TRIOBP: variants seen among roughly 807,000 people sequenced by gnomAD.
TRIOBP encodes the protein TRIO and F-actin binding protein.
TRIOBP carries 169 observed loss-of-function variants against 238.8 expected under a neutral mutation model. The observed-to-expected ratio is 0.71, with a 90% CI of 0.62 to 0.80. The LOEUF (loss-of-function observed/expected upper bound fraction) is 0.80, where lower values mean the gene tolerates loss of function less well. TRIOBP is among the 30% of genes least tolerant of loss of function. TRIOBP has a pLI of 0.00. For missense variants in TRIOBP, 2,838 were observed against 3,122.6 expected (o/e 0.91, Z 2.17); for synonymous variants, 1,150 against 1,274.4 (o/e 0.90, Z 2.08).
intron 18 of TRIOBP, among the ~76,000 whole-genome samples, chr22:37,767,386 GGTGGCCCTGAGT>G (rs1051665123): frequency 1.3e-5 from 2 of 152,098 alleles, no homozygotes; most frequent in African/African-American, 4.8e-5. Context: ...TAAAACCATG[GGTGGCCCTGAGT>G]GGGAAAAAAA....
chr22:37,734,840 C>T lies in TRIOBP; in HGVS notation c.4504C>T (p.Leu1502Phe). 1 of 1,612,734 alleles carries T rather than the reference C, an allele frequency of 6.2e-7. No individual in the cohort carries two copies. The highest frequency in any genetic ancestry group is 8.5e-7 in the Non-Finnish European group (1 of 1,179,942). Residue 1502 changes from leucine (L) to phenylalanine (F), a missense_variant, in exon 9 of 24, where the codon CTC (leucine) becomes TTC (phenylalanine). Leu to Phe is a conservative substitution (Grantham distance 22, BLOSUM62 0). Around this residue, in one of 5 missense-constraint regions of TRIOBP, gnomAD observed 2,096 missense variants for 2,137.4 expected, o/e 0.98. Coordinates refer to ENST00000644935, the MANE Select transcript of TRIOBP (RefSeq NM_001039141.3). ...CTGGGAGGAGAAGCCCACTCATGAG[C>T]TCCCCAGAGAACTAGGAAAGAGAAG... ...EAWEEKPTHE[L>F]PRELGKRSPL...
chr22:37,760,288 C>G (rs1280684562), intron 17 of TRIOBP: 1 of 152,206 alleles, frequency 6.6e-6, no homozygotes, highest in African/African-American at 2.4e-5. Flanking sequence ...ATTTTCTTAT[C>G]ACTTGCTTAA....
At chr22:37,722,023 A>G (rs1364921363) in intron 6 of TRIOBP, among the ~76,000 whole-genome samples, 2 of 152,076 alleles carry the variant, frequency 1.3e-5, no homozygotes, top group African/African-American at 2.4e-5. Context: ...AAGGTGTACA[A>G]ATCACCAGAC....
intron 6 of TRIOBP, among the ~76,000 whole-genome samples, chr22:37,716,587 A>C (rs1432295585): frequency 6.6e-6 from 1 of 151,822 alleles, no homozygotes; most frequent in East Asian, 1.9e-4. Context: ...CCGCCACCAC[A>C]CGTGGCTAAT....
intron 5 of TRIOBP, 46 bp from the exon 6 acceptor site, chr22:37,715,716 GC>G (rs1923475770): frequency 6.3e-7 from 1 of 1,598,588 alleles, no homozygotes; most frequent in African/African-American, 1.3e-5. Context: ...ATGTCCTGCA[GC>G]CTTTTTTCTC....
At position 37,735,397 on chromosome 22, in the gene TRIOBP, G is replaced by A; in HGVS notation, c.5061G>A (p.Leu1687=). The change falls in exon 9 of 24, where the codon CTG becomes CTA. Residue 1687 remains leucine, a synonymous_variant. Transcript: ENST00000644935. ...CAGGCCTGGAGCAGACGGGCCCCCTGGGGAGCAGGAGCACTGCGAAGGGCC... is the reference window on the plus strand; with the variant it reads ...CAGGCCTGGAGCAGACGGGCCCCCTAGGGAGCAGGAGCACTGCGAAGGGCC... The part of the protein sequence containing the change: ...TLAGLEQTGP[L]GSRSTAKGPS... 1 of 1,600,590 alleles carries A rather than the reference G, an allele frequency of 6.2e-7. No homozygotes were observed. The highest frequency in any genetic ancestry group is 1.3e-5 in the African/African-American group (1 of 74,718).
intron 17 of TRIOBP, 51 bp downstream of exon 17, chr22:37,759,315 C>G (rs558674917): frequency 6.4e-7 from 1 of 1,556,712 alleles, no homozygotes; most frequent in Non-Finnish European, 8.9e-7. Context: ...TTCTGCTTGC[C>G]GTGTTATCAG....
At chr22:37,728,759 C>A (rs144082569) in intron 7 of TRIOBP, among the ~76,000 whole-genome samples, 99 of 152,112 alleles carry the variant, frequency 6.5e-4, no homozygotes, top group Middle Eastern at 3.4e-3. Context: ...TAGGGTGATA[C>A]ATTTGTTACA....
At chr22:37,711,841 CTG>C (rs1923265977) in intron 4 of TRIOBP, among the ~76,000 whole-genome samples, 1 of 152,018 alleles carries the variant, frequency 6.6e-6, no homozygotes, top group South Asian at 2.1e-4. Context: ...GTAGGCCAGT[CTG>C]TGGGTCACTC....
intron 22 of TRIOBP, among the ~76,000 whole-genome samples, chr22:37,772,054 C>T (rs1006907664): frequency 5.9e-5 from 9 of 152,210 alleles, no homozygotes; most frequent in African/African-American, 1.9e-4. Context: ...CAAAATAACC[C>T]CAAATCTCTG....
chr22:37,726,479 A>C lies in TRIOBP; in HGVS notation c.3923A>C (p.Glu1308Ala). 1 of 1,539,454 alleles carries C rather than the reference A, an allele frequency of 6.5e-7. No individual in the cohort carries two copies. The highest frequency in any genetic ancestry group is 8.7e-7 in the Non-Finnish European group (1 of 1,148,588). The change falls in exon 7 of 24, where the codon GAG becomes GCG. Residue 1308 changes from glutamate (E) to alanine (A), a missense_variant. Physicochemically the swap from Glu to Ala is moderately radical, Grantham distance 107 (BLOSUM62 -1). This residue lies in a region of TRIOBP where 2,096 missense variants were observed against 2,137.4 expected (regional missense o/e 0.98). Transcript: ENST00000644935. ...CACAGCCCTGGCCGTGCAGAGGTGGAGCGCCTCTTCGGGCAAGAGCGCAGG... is the reference window on the plus strand; with the variant it reads ...CACAGCCCTGGCCGTGCAGAGGTGGCGCGCCTCTTCGGGCAAGAGCGCAGG... The part of the protein sequence containing the change: ...RTHSPGRAEV[E>A]RLFGQERRKS...
At chr22:37,722,935 T>C (rs2145831696) in intron 6 of TRIOBP, among the ~76,000 whole-genome samples, 1 of 152,336 alleles carries the variant, frequency 6.6e-6, no homozygotes, top group Middle Eastern at 3.4e-3. Flanking sequence ...CTTCCAGTTC[T>C]TGAACCCATC....
chr22:37,717,370 C>T (rs572399538), intron 6 of TRIOBP, among the ~76,000 whole-genome samples: 9 of 152,140 alleles, frequency 5.9e-5, no homozygotes, highest in East Asian at 1.9e-4. Flanking sequence ...GAAGAGGACC[C>T]GAGCGGGTTG....
intron 11 of TRIOBP, among the ~76,000 whole-genome samples, chr22:37,742,054 T>C (rs545337125): frequency 6.6e-6 from 1 of 152,046 alleles, no homozygotes; most frequent in East Asian, 1.9e-4. Flanking sequence ...GCCTCCCGGG[T>C]CCAAGTGATT....
chr22:37,712,825 C>T (rs567990744), intron 4 of TRIOBP, among the ~76,000 whole-genome samples: 43 of 151,584 alleles, frequency 2.8e-4, no homozygotes, highest in Middle Eastern at 3.4e-3. Context: ...GGCGTGGTGG[C>T]GGGCGCCTGT....
At chr22:37,719,943 G>A (rs1204317213) in intron 6 of TRIOBP, among the ~76,000 whole-genome samples, 4 of 137,124 alleles carry the variant, frequency 2.9e-5, no homozygotes, top group South Asian at 2.3e-4. Context: ...CCTCTACTGC[G>A]TTAATCACAC....
chr22:37,715,725 C>A lies in TRIOBP; in HGVS notation c.457-38C>A, dbSNP rs147396080. ...GAGTATATGTCCTGCAGCCTTTTTT[C>A]TCCCGCAAACATACTTTCTCCTCCC... On this transcript the variant is annotated intron_variant, in intron 5 of 23. Coordinates refer to ENST00000644935, the MANE Select transcript of TRIOBP (RefSeq NM_001039141.3). 3.0e-4 allele frequency: 490 copies of A among 1,607,192 alleles called. 2 individuals are homozygous for A. The East Asian group carries it at 8.3e-3, about 27-fold the overall frequency.
intron 8 of TRIOBP, among the ~76,000 whole-genome samples, chr22:37,734,071 G>A (rs1237925905): frequency 6.6e-6 from 1 of 152,332 alleles, no homozygotes; most frequent in Middle Eastern, 3.4e-3. Flanking sequence ...AAACCCAGAG[G>A]GCTAGGCCCG....
intron 17 of TRIOBP, 45 bp from the exon 18 acceptor site, chr22:37,765,625 C>T: frequency 6.5e-7 from 1 of 1,547,744 alleles, no homozygotes; most frequent in Non-Finnish European, 8.7e-7. Context: ...GGCCGCTGTC[C>T]AGAGGAACGG....
Sources: allele counts gnomAD v4.1 joint callset (sites outside exome capture counted in the v4.1 genomes callset), GRCh38; gene constraint gnomAD v4.1.1; regional missense constraint gnomAD v4.1.1; transcripts MANE v1.5; gene names NCBI Gene and HGNC (gene_info 2026-07-23, HGNC 2026-07-21).